The following RXFP1 variants were observed in gnomAD, a reference collection of about 807,000 sequenced individuals.
RXFP1 encodes relaxin family peptide receptor 1.
RXFP1 carries 73 observed loss-of-function variants against 89.8 expected under a neutral mutation model. That is an observed-to-expected ratio of 0.81 (90% CI 0.67 to 0.99). The LOEUF (loss-of-function observed/expected upper bound fraction) is 0.99, where lower values mean the gene tolerates loss of function less well. RXFP1 is among the 50% of genes least tolerant of loss of function. RXFP1 has a pLI of 0.00. For synonymous variants in RXFP1, 277 were observed against 305.5 expected, an observed-to-expected ratio of 0.91 and a Z score of 0.97; for missense variants, 793 against 895.5, an observed-to-expected ratio of 0.89 and a Z score of 1.46.
intron 14 of RXFP1, 115 bp from the exon 15 acceptor site, chr4:158,644,794 C>T (rs1771194605): frequency 1.4e-6 from 1 of 713,622 alleles, no homozygotes; most frequent in Non-Finnish European, 2.3e-6. Flanking sequence ...TTAGTCCTCT[C>T]AATTTCATCT....
intron 9 of RXFP1, among the ~76,000 whole-genome samples, chr4:158,619,730 A>G (rs1408427248): frequency 6.6e-6 from 1 of 152,110 alleles, no homozygotes. Flanking sequence ...TGGGAGTGGG[A>G]CAGAAAATCC....
intron 1 of RXFP1, among the ~76,000 whole-genome samples, chr4:158,548,264 G>C (rs531104603): frequency 6.6e-6 from 1 of 152,262 alleles, no homozygotes; most frequent in East Asian, 1.9e-4. Flanking sequence ...CAGAGACTAG[G>C]ATTGCAACCC....
chr4:158,621,198 GCTACTCAGGAGGC>G (rs1765568945), intron 9 of RXFP1, among the ~76,000 whole-genome samples: 1 of 152,140 alleles, frequency 6.6e-6, no homozygotes, highest in South Asian at 2.1e-4. Context: ...GGCAGTCCCA[GCTACTCAGGAGGC>G]TGAAGTGGGA....
chr4:158,554,064 A>G (rs945172998), intron 1 of RXFP1, among the ~76,000 whole-genome samples: 1 of 152,128 alleles, frequency 6.6e-6, no homozygotes, highest in African/African-American at 2.4e-5. Flanking sequence ...ACTAGATGCC[A>G]GTAGCAACCC....
chr4:158,615,633 C>T (rs934599552), intron 8 of RXFP1, among the ~76,000 whole-genome samples: 4 of 151,938 alleles, frequency 2.6e-5, no homozygotes, highest in Admixed American at 2.0e-4. Flanking sequence ...CACAGATCAC[C>T]ACAAACAATA....
chr4:158,607,007 T>C (rs1242739119), intron 5 of RXFP1: 2 of 1,375,602 alleles, frequency 1.5e-6, no homozygotes, highest in African/African-American at 1.4e-5. Flanking sequence ...TTCTTTCTTA[T>C]TGCTCCTAAA....
At chr4:158,577,276 A>G (rs1480567027) in intron 2 of RXFP1, among the ~76,000 whole-genome samples, 2 of 152,122 alleles carry the variant, frequency 1.3e-5, no homozygotes, top group Admixed American at 6.5e-5. Context: ...AGACCTCATG[A>G]TCCACCAGCC....
chr4:158,623,391 A>G (rs1259479632), intron 9 of RXFP1, among the ~76,000 whole-genome samples: 1 of 151,138 alleles, frequency 6.6e-6, no homozygotes, highest in Non-Finnish European at 1.5e-5. Flanking sequence ...AATCCCAGCA[A>G]ATCAGGAGGC....
chr4:158,588,800 A>T (rs577069028), intron 2 of RXFP1, among the ~76,000 whole-genome samples: 1 of 152,246 alleles, frequency 6.6e-6, no homozygotes, highest in African/African-American at 2.4e-5. Flanking sequence ...GTTCCTCATG[A>T]TCTGTTCCAT....
chr4:158,573,187 T>C (rs1755487584), intron 2 of RXFP1: 2 of 187,394 alleles, frequency 1.1e-5, no homozygotes, highest in African/African-American at 4.7e-5. Flanking sequence ...TTTTTGTATT[T>C]TTAGTAAAGA....
intron 2 of RXFP1, among the ~76,000 whole-genome samples, chr4:158,578,713 G>T (rs1188388190): frequency 6.6e-6 from 1 of 152,060 alleles, no homozygotes; most frequent in Non-Finnish European, 1.5e-5. Context: ...TGAGAGACAG[G>T]TTGAATTACT....
intron 1 of RXFP1, among the ~76,000 whole-genome samples, chr4:158,551,714 A>G (rs1378491301): frequency 6.6e-6 from 1 of 152,140 alleles, no homozygotes; most frequent in Non-Finnish European, 1.5e-5. Context: ...GCCGAGGTGA[A>G]AGTATGCTTG....
At chr4:158,553,169 A>G (rs561331185) in intron 1 of RXFP1, among the ~76,000 whole-genome samples, 29 of 152,334 alleles carry the variant, frequency 1.9e-4, no homozygotes, top group Admixed American at 9.8e-4. Context: ...AGCCTGGACA[A>G]TAGAGCAAGA....
chr4:158,595,458 A>G (rs1381435824), intron 3 of RXFP1, among the ~76,000 whole-genome samples: 1 of 152,172 alleles, frequency 6.6e-6, no homozygotes, highest in African/African-American at 2.4e-5. Flanking sequence ...TCGTAAAACC[A>G]TTTAAGATGA....
chr4:158,642,202 A>C (rs141424554), intron 14 of RXFP1, among the ~76,000 whole-genome samples: 12 of 152,210 alleles, frequency 7.9e-5, no homozygotes, highest in Non-Finnish European at 1.5e-4. Context: ...ATGGGGGTAC[A>C]TAGTGATGTT....
At chr4:158,570,874 A>G (rs1284657845) in intron 1 of RXFP1, among the ~76,000 whole-genome samples, 1 of 152,088 alleles carries the variant, frequency 6.6e-6, no homozygotes, top group Non-Finnish European at 1.5e-5. Context: ...GTCCCTGCTC[A>G]CTGGGCTCCA....
At chr4:158,620,313 C>T (rs1765381272) in intron 9 of RXFP1, among the ~76,000 whole-genome samples, 1 of 151,988 alleles carries the variant, frequency 6.6e-6, no homozygotes, top group Non-Finnish European at 1.5e-5. Context: ...AATCCAAAAG[C>T]TGCAGGATAA....
intron 1 of RXFP1, among the ~76,000 whole-genome samples, chr4:158,523,284 A>T (rs1404377758): frequency 1.3e-5 from 2 of 152,184 alleles, no homozygotes; most frequent in East Asian, 3.8e-4. Context: ...TCCCTATTCC[A>T]TTTCAATGAA....
intron 3 of RXFP1, 66 bp downstream of exon 3, chr4:158,593,565 T>A: frequency 2.4e-6 from 2 of 817,260 alleles, no homozygotes; most frequent in Non-Finnish European, 3.7e-6. Flanking sequence ...AAAAGTTTGA[T>A]TCAACATTTT....
Sources: gnomAD v4.1 joint callset for allele counts (sites outside exome capture counted in the v4.1 genomes callset) on GRCh38, gnomAD v4.1.1 for gene constraint, MANE v1.5 for transcripts, NCBI Gene and HGNC (gene_info 2026-07-23, HGNC 2026-07-21) for gene names.